Variants in AOAH observed in about 807,000 individuals in gnomAD.
The protein encoded by AOAH is acyloxyacyl hydrolase.
Under a neutral mutation model 92.2 loss-of-function variants are expected in AOAH, and 64 were observed. The ratio of observed to expected loss-of-function variants is 0.69; its 90% confidence interval spans 0.57 to 0.86. The LOEUF (loss-of-function observed/expected upper bound fraction) is 0.86. Among genes scored for constraint, AOAH ranks in the 40% least tolerant of loss-of-function variants. AOAH has a pLI of 0.00. For missense variants in AOAH, 656 were observed against 694.6 expected, an observed-to-expected ratio of 0.94 and a Z score of 0.62; for synonymous variants, 263 against 254.5, an observed-to-expected ratio of 1.03 and a Z score of -0.32.
At position 36,659,752 on chromosome 7, in the gene AOAH, TTTC is replaced by T. The variant is rs1167046590; in HGVS notation, c.291-490_291-488del. Among the ~76,000 whole-genome samples the T allele has an allele frequency of 1.1e-3, 126 of 113,414 alleles. 1 individual carries two copies. The highest frequency in any genetic ancestry group is 0.011 in the Admixed American group (120 of 10,912). 74.4% of individuals were successfully genotyped at this position (113,414 alleles called of 152,430 possible). A position where few individuals can be genotyped will look rare whatever the true frequency, so the allele number is the denominator to read the frequency against. Reference sequence around the variant, plus strand: ...CCCTTATAAACATATTTCTTTTTTCTTTCTTTTTTTTTTTTTTTTTTCCTGCGA... The same window carrying T: ...CCCTTATAAACATATTTCTTTTTTCTTTTTTTTTTTTTTTTTTTCCTGCGA... On this transcript the variant is annotated intron_variant, in intron 3 of 20. Coordinates refer to ENST00000617537, the MANE Select transcript of AOAH (RefSeq NM_001637.4).
intron 6 of AOAH, among the ~76,000 whole-genome samples, chr7:36,624,279 G>C (rs145409410): frequency 1.3e-5 from 2 of 152,158 alleles, no homozygotes; most frequent in African/African-American, 4.8e-5. Flanking sequence ...GCTTTCTTTG[G>C]AGCCGAGAAT....
At chr7:36,531,177 T>C (rs1361884153) in intron 18 of AOAH, among the ~76,000 whole-genome samples, 6 of 152,172 alleles carry the variant, frequency 3.9e-5, no homozygotes, top group Admixed American at 6.5e-5. Flanking sequence ...AAACCAAATA[T>C]ATTGATCTCT....
chr7:36,679,544 T>TTATACATTATTATATGTATAATATG (rs755041215), intron 2 of AOAH, among the ~76,000 whole-genome samples: 88,347 of 134,530 alleles, frequency 0.66, 31,056 homozygotes, highest in East Asian at 0.83. Flanking sequence ...GCAGATATTG[T>TTATACATTATTATATGTATAATATG]TATACATTAT....
chr7:36,688,674 GAGT>G (rs1156897459), intron 1 of AOAH, among the ~76,000 whole-genome samples: 1 of 152,076 alleles, frequency 6.6e-6, no homozygotes, highest in Non-Finnish European at 1.5e-5. Context: ...TTATTTCTAA[GAGT>G]TTAGAGTTAG....
At chr7:36,591,726 G>C (rs9691933) in intron 12 of AOAH, among the ~76,000 whole-genome samples, 9,461 of 152,246 alleles carry the variant, frequency 0.062, 697 homozygotes, top group African/African-American at 0.18. Flanking sequence ...AAGGAAAAGG[G>C]AGCTTTCCCT....
intron 6 of AOAH, among the ~76,000 whole-genome samples, chr7:36,631,708 T>C (rs543349152): frequency 6.6e-6 from 1 of 152,234 alleles, no homozygotes; most frequent in South Asian, 2.1e-4. Flanking sequence ...ATAGTTCACA[T>C]GCAGAGAGGG....
chr7:36,513,455 C>G (rs1036054081), intron 20 of AOAH, 75 bp from the exon 21 acceptor site: 1 of 1,494,780 alleles, frequency 6.7e-7, no homozygotes. Flanking sequence ...TTCCCACGTG[C>G]TTTCTGCCAG....
intron 15 of AOAH, among the ~76,000 whole-genome samples, chr7:36,542,817 T>C (rs1003661917): frequency 1.1e-4 from 16 of 152,222 alleles, no homozygotes; most frequent in Non-Finnish European, 4.4e-5. Context: ...CTAGATATCG[T>C]TGGTTGCACA....
chr7:36,554,844 A>G (rs1220238839), intron 13 of AOAH, among the ~76,000 whole-genome samples: 2 of 151,424 alleles, frequency 1.3e-5, no homozygotes, highest in East Asian at 1.9e-4. Context: ...TGTATGCTGA[A>G]ACTTTGCTGA....
At chr7:36,655,647 T>C (rs1794835499) in intron 4 of AOAH, among the ~76,000 whole-genome samples, 1 of 152,198 alleles carries the variant, frequency 6.6e-6, no homozygotes, top group African/African-American at 2.4e-5. Context: ...ATCATAAGTA[T>C]GCCCTGGGAA....
intron 4 of AOAH, among the ~76,000 whole-genome samples, chr7:36,648,532 A>AG (rs1283436099): frequency 6.6e-6 from 1 of 151,990 alleles, no homozygotes; most frequent in Middle Eastern, 3.2e-3. Flanking sequence ...GACTTTGTGA[A>AG]GGGGGCAAGT....
chr7:36,721,509 C>A (rs1169178261), intron 1 of AOAH, among the ~76,000 whole-genome samples: 1 of 152,232 alleles, frequency 6.6e-6, no homozygotes, highest in Non-Finnish European at 1.5e-5. Context: ...TGTCTCAGCA[C>A]ATAGGCAGTG....
chr7:36,715,669 C>A (rs1799107542), intron 1 of AOAH, among the ~76,000 whole-genome samples: 1 of 143,816 alleles, frequency 7.0e-6, no homozygotes, highest in Non-Finnish European at 1.5e-5. Context: ...GAAATAATGC[C>A]ACATATCTAC....
At chr7:36,616,541 A>T (rs2727818) in intron 10 of AOAH, 67 bp from the exon 11 acceptor site, 870,531 of 1,334,076 alleles carry the variant, frequency 0.65, 285,153 homozygotes, top group African/African-American at 0.76. Flanking sequence ...GACTGGGTAG[A>T]TATAAGAGCG....
intron 2 of AOAH, among the ~76,000 whole-genome samples, chr7:36,681,704 G>A (rs1796655118): frequency 6.6e-6 from 1 of 152,132 alleles, no homozygotes; most frequent in Admixed American, 6.5e-5. Flanking sequence ...GGGAGGCTGA[G>A]GCAGGAGAAT....
rs1459627791 is a variant in AOAH at position 36,659,751 on chromosome 7, CTTTCTT to C, written c.291-492_291-487del. 2.2e-3 allele frequency among the ~76,000 whole-genome samples: 253 copies of C among 116,564 alleles called. 3 individuals carry two copies. Among genetic ancestry groups the C allele is most frequent in the African/African-American group, 9.1e-3 (247 of 27,152 alleles). The allele number at this position is 116,564 out of a possible 152,430, so 76.5% of individuals were successfully genotyped here. ...TCCCTTATAAACATATTTCTTTTTTCTTTCTTTTTTTTTTTTTTTTTTCCTGCGAGA... is the reference window on the plus strand; with the variant it reads ...TCCCTTATAAACATATTTCTTTTTTCTTTTTTTTTTTTTTTTCCTGCGAGA... On this transcript the variant is annotated intron_variant, in intron 3 of 20. Transcript: ENST00000617537.
In AOAH at chr7:36,547,945, T is replaced by C. The variant is rs369248473; in HGVS notation, c.1133+667A>G. 4.1e-4 allele frequency among the ~76,000 whole-genome samples: 62 copies of C among 152,256 alleles called. No homozygotes were observed. The East Asian group carries it at 5.0e-3, about 12-fold the overall frequency. On this transcript the variant is annotated intron_variant, in intron 15 of 20. Transcript: ENST00000617537. Reference sequence around the variant, plus strand: ...GTCTCTTCCACATGAGGAAGTAAAGTAGATCAGAATATGAGTGAGATCGAT... The same window carrying C: ...GTCTCTTCCACATGAGGAAGTAAAGCAGATCAGAATATGAGTGAGATCGAT...
chr7:36,577,296 A>G (rs538517581), intron 12 of AOAH, among the ~76,000 whole-genome samples: 1 of 152,236 alleles, frequency 6.6e-6, no homozygotes, highest in Non-Finnish European at 1.5e-5. Context: ...AAATGATTGA[A>G]TGGTGATTCT....
intron 13 of AOAH, among the ~76,000 whole-genome samples, chr7:36,557,540 A>T (rs1786843337): frequency 6.6e-6 from 1 of 152,148 alleles, no homozygotes; most frequent in South Asian, 2.1e-4. Context: ...CTGCCTTGCT[A>T]GATTGGGGAA....
Sources: gnomAD v4.1 joint callset for allele counts (sites outside exome capture counted in the v4.1 genomes callset) on GRCh38, gnomAD v4.1.1 for gene constraint, MANE v1.5 for transcripts, NCBI Gene and HGNC (gene_info 2026-07-23, HGNC 2026-07-21) for gene names.